The following SPEF2 variants were observed in gnomAD, a reference collection of about 807,000 sequenced individuals.
SPEF2 encodes sperm flagella and cilia-associated protein 2.
A neutral mutation model predicts 224.6 loss-of-function variants in SPEF2; 187 were observed. The ratio of observed to expected loss-of-function variants is 0.83; its 90% CI spans 0.74 to 0.94. SPEF2 has a LOEUF of 0.94. SPEF2 is among the 40% of genes least tolerant of loss of function. The pLI is 0.00. For synonymous variants in SPEF2, 715 were observed against 707.3 expected (o/e 1.01, Z -0.17); for missense variants, 2,170 against 2,135.6 (o/e 1.02, Z -0.32).
rs1021027449 is a variant in SPEF2 at position 35,809,185 on chromosome 5, T to C, written c.5379+1932T>C. ...GGAAGTGCTACAGAAATGATGGCTG[T>C]TAGGGGTACTATTCAATACTGATCA... On this transcript the variant is annotated intron_variant, in intron 36 of 36. Transcript: ENST00000356031. Among the ~76,000 whole-genome samples the C allele has an allele frequency of 3.3e-5, 5 of 152,100 alleles. 1 individual carries two copies. The highest frequency in any genetic ancestry group is 7.4e-5 in the Non-Finnish European group (5 of 68,022).
At chr5:35,685,956 C>G (rs1167184744) in intron 10 of SPEF2, among the ~76,000 whole-genome samples, 1 of 151,706 alleles carries the variant, frequency 6.6e-6, no homozygotes, top group Non-Finnish European at 1.5e-5. Context: ...TATAATGTAC[C>G]CTGTCTTTTG....
chr5:35,618,143 C>A, intron 1 of SPEF2, 88 bp downstream of exon 1: 3 of 1,426,220 alleles, frequency 2.1e-6, no homozygotes, highest in Non-Finnish European at 2.9e-6. Context: ...GGGAAGGTGG[C>A]GGGCAGGGCG....
chr5:35,676,457 G>A lies in SPEF2; in HGVS notation c.1524+6230G>A, dbSNP rs553858365. ...AATTTTAAAACTATAGGCTGTTTGC[G>A]GGGGCTCACACCTGTAATCCCAGCA... On this transcript the variant is annotated intron_variant, in intron 10 of 36. Coordinates refer to ENST00000356031, the MANE Select transcript of SPEF2 (RefSeq NM_024867.4). 7.0e-4 allele frequency among the ~76,000 whole-genome samples: 106 copies of A among 152,178 alleles called. 1 individual carries two copies. The highest frequency in any genetic ancestry group is 6.2e-4 in the South Asian group (3 of 4,806).
Position 35,736,338 on chromosome 5 carries a change from G to T in SPEF2, c.3064-3581G>T, listed in dbSNP as rs527289188. Among the ~76,000 whole-genome samples, 3 of 152,298 alleles carry T rather than the reference G, an allele frequency of 2.0e-5. No homozygotes were observed. In the South Asian group the frequency reaches 6.2e-4, roughly 32 times the overall value. On this transcript the variant is annotated intron_variant, in intron 21 of 36. Coordinates refer to ENST00000356031, the MANE Select transcript of SPEF2 (RefSeq NM_024867.4). ...GTGCCATAAAGAAATACCCAAGACT[G>T]AGTCATTTATAAAAGAAAGAGGTTT... is the stretch of plus-strand genomic sequence containing the variant.
At chr5:35,709,607 A>T (rs1196947703) in intron 19 of SPEF2, 1 of 985,578 alleles carries the variant, frequency 1.0e-6, no homozygotes, top group East Asian at 1.1e-4. Context: ...TGATTATAAA[A>T]GTATAGAAAC....
chr5:35,727,209 T>C (rs1435434481), intron 20 of SPEF2, among the ~76,000 whole-genome samples: 1 of 152,174 alleles, frequency 6.6e-6, no homozygotes, highest in Non-Finnish European at 1.5e-5. Flanking sequence ...ATCCCTCACC[T>C]ACTCCAGCTG....
At chr5:35,729,254 CCAA>C (rs144069208) in intron 21 of SPEF2, among the ~76,000 whole-genome samples, 7,118 of 152,116 alleles carry the variant, frequency 0.047, 195 homozygotes, top group Non-Finnish European at 0.052. Context: ...TCCCTCCCCT[CCAA>C]CAAGGGACAG....
At chr5:35,789,973 T>C (rs1247046616) in intron 30 of SPEF2, 2 of 701,274 alleles carry the variant, frequency 2.9e-6, no homozygotes, top group Non-Finnish European at 5.2e-6. Flanking sequence ...TATAAATGTT[T>C]GGGTAAAACT....
chr5:35,637,130 T>C (rs1458503292), intron 2 of SPEF2, among the ~76,000 whole-genome samples: 1 of 152,180 alleles, frequency 6.6e-6, no homozygotes, highest in Non-Finnish European at 1.5e-5. Context: ...CCGGTTTTCA[T>C]AGCCACCATG....
chr5:35,771,897 A>G (rs113670474), intron 27 of SPEF2, 141 bp downstream of exon 27: 166 of 1,092,842 alleles, frequency 1.5e-4, no homozygotes, highest in South Asian at 1.3e-3. Flanking sequence ...CCGGGCTTCT[A>G]TGATTTGTGG....
At chr5:35,725,937 A>T (rs1246106062) in intron 20 of SPEF2, among the ~76,000 whole-genome samples, 2 of 152,204 alleles carry the variant, frequency 1.3e-5, no homozygotes, top group East Asian at 1.9e-4. Context: ...GAGCATGAGG[A>T]ATAGTTACAC....
At chr5:35,649,338 C>G (rs1659417352) in intron 5 of SPEF2, 23 bp from the exon 6 acceptor site, 2 of 1,594,306 alleles carry the variant, frequency 1.3e-6, no homozygotes, top group Non-Finnish European at 1.7e-6. Context: ...AGGCAGAGAA[C>G]TGATGATGAA....
intron 34 of SPEF2, among the ~76,000 whole-genome samples, chr5:35,803,541 A>C (rs1757713617): frequency 6.6e-6 from 1 of 152,150 alleles, no homozygotes. Flanking sequence ...TCTCTCTCAC[A>C]CACAGGCCTG....
chr5:35,733,901 T>C (rs1293682206), intron 21 of SPEF2, among the ~76,000 whole-genome samples: 2 of 152,244 alleles, frequency 1.3e-5, no homozygotes, highest in Non-Finnish European at 2.9e-5. Context: ...AATTGCCTCA[T>C]CTTTAAATAG....
intron 1 of SPEF2, among the ~76,000 whole-genome samples, chr5:35,625,659 T>C (rs1200547137): frequency 6.6e-6 from 1 of 152,148 alleles, no homozygotes; most frequent in Non-Finnish European, 1.5e-5. Context: ...CCAGTGGCTC[T>C]TTAGAAAACT....
intron 10 of SPEF2, among the ~76,000 whole-genome samples, chr5:35,685,059 A>G (rs559130480): frequency 6.6e-6 from 1 of 152,332 alleles, no homozygotes; most frequent in East Asian, 1.9e-4. Context: ...AGATCCAATT[A>G]GTATTTGGCT....
intron 1 of SPEF2, among the ~76,000 whole-genome samples, chr5:35,626,237 G>A (rs909892789): frequency 6.6e-6 from 1 of 152,146 alleles, no homozygotes; most frequent in African/African-American, 2.4e-5. Context: ...TTAAGACATA[G>A]CTTCGGAAGG....
chr5:35,697,840 A>G (rs761573320), intron 15 of SPEF2, 47 bp downstream of exon 15: 3 of 1,363,312 alleles, frequency 2.2e-6, no homozygotes, highest in Non-Finnish European at 3.1e-6. Flanking sequence ...TATATTCTTT[A>G]TCACACAAAG....
At chr5:35,802,642 G>C (rs1422030025) in intron 34 of SPEF2, among the ~76,000 whole-genome samples, 1 of 152,170 alleles carries the variant, frequency 6.6e-6, no homozygotes, top group Non-Finnish European at 1.5e-5. Context: ...CCCAAAGAAG[G>C]TGAGGGGGAG....
Sources: allele counts gnomAD v4.1 joint callset (sites outside exome capture counted in the v4.1 genomes callset), GRCh38; gene constraint gnomAD v4.1.1; transcripts MANE v1.5; gene names NCBI Gene and HGNC (gene_info 2026-07-23, HGNC 2026-07-21).